The following BBX variants were observed in gnomAD, a reference collection of about 807,000 sequenced individuals.
BBX encodes HMG box transcription factor BBX.
BBX carries 30 observed loss-of-function variants against 100.2 expected under a neutral mutation model. The ratio of observed to expected loss-of-function variants is 0.30; its 90% CI spans 0.22 to 0.41. The LOEUF (loss-of-function observed/expected upper bound fraction) is 0.41, where lower values mean the gene tolerates loss of function less well. BBX is among the 10% of genes least tolerant of loss of function. BBX has a pLI of 1.00. For synonymous variants in BBX, 376 were observed against 388.1 expected (o/e 0.97, Z 0.37); for missense variants, 1,023 against 1,129.8 (o/e 0.91, Z 1.35).
intron 3 of BBX, among the ~76,000 whole-genome samples, chr3:107,680,891 G>A (rs2059537944): frequency 6.6e-6 from 1 of 152,172 alleles, no homozygotes; most frequent in Non-Finnish European, 1.5e-5. Flanking sequence ...TGACTCATCA[G>A]CTTTGCATTG....
intron 3 of BBX, among the ~76,000 whole-genome samples, chr3:107,696,038 C>G (rs942321463): frequency 2.6e-5 from 4 of 151,580 alleles, no homozygotes; most frequent in African/African-American, 9.8e-5. Flanking sequence ...TTTTTGTCTT[C>G]CATTGGCTTG....
At chr3:107,558,722 G>T (rs943411030) in intron 2 of BBX, among the ~76,000 whole-genome samples, 7 of 152,236 alleles carry the variant, frequency 4.6e-5, no homozygotes, top group African/African-American at 1.2e-4. Context: ...TGAGTTACAG[G>T]AAGTTATTTA....
intron 2 of BBX, among the ~76,000 whole-genome samples, chr3:107,577,417 A>G (rs1454461355): frequency 1.3e-5 from 2 of 152,186 alleles, no homozygotes; most frequent in Non-Finnish European, 2.9e-5. Flanking sequence ...AATGGAAGGA[A>G]AGATTGGAAA....
chr3:107,540,876 C>T (rs904871441), intron 2 of BBX, among the ~76,000 whole-genome samples: 1 of 151,962 alleles, frequency 6.6e-6, no homozygotes, highest in African/African-American at 2.4e-5. Context: ...GTATTCACTC[C>T]TCTTTTTGGA....
At chr3:107,738,420 A>G (rs2063812454) in intron 7 of BBX, among the ~76,000 whole-genome samples, 1 of 152,190 alleles carries the variant, frequency 6.6e-6, no homozygotes, top group Admixed American at 6.5e-5. Context: ...ACTAACATGT[A>G]TTGAACATTG....
In BBX at chr3:107,667,581, A is replaced by G. The variant is rs576189163; in HGVS notation, c.-10+21672A>G. On this transcript the variant is annotated intron_variant, in intron 3 of 17. Transcript: ENST00000325805. ...ACAAAATTTTCTTTCTGATGATGCTAGGAAATGCATTTATGATAGATTCTG... is the reference window on the plus strand; with the variant it reads ...ACAAAATTTTCTTTCTGATGATGCTGGGAAATGCATTTATGATAGATTCTG... 2.4e-4 allele frequency among the ~76,000 whole-genome samples: 37 copies of G among 151,980 alleles called. 2 individuals carry two copies. In the South Asian group the frequency reaches 4.8e-3, roughly 20 times the overall value.
At chr3:107,760,496 A>G (rs1222036894) in intron 10 of BBX, among the ~76,000 whole-genome samples, 1 of 152,250 alleles carries the variant, frequency 6.6e-6, no homozygotes, top group Non-Finnish European at 1.5e-5. Flanking sequence ...TATGGTATAC[A>G]ACTCCTGTCC....
At chr3:107,783,019 A>T (rs1436009295) in intron 13 of BBX, among the ~76,000 whole-genome samples, 1 of 152,092 alleles carries the variant, frequency 6.6e-6, no homozygotes, top group Non-Finnish European at 1.5e-5. Context: ...TCCTCCATGG[A>T]TACTTCTACA....
At chr3:107,697,118 T>A (rs1159822995) in intron 3 of BBX, among the ~76,000 whole-genome samples, 1 of 151,748 alleles carries the variant, frequency 6.6e-6, no homozygotes, top group African/African-American at 2.4e-5. Flanking sequence ...TTTCAAAGTT[T>A]TCAACTTCTT....
intron 3 of BBX, among the ~76,000 whole-genome samples, chr3:107,648,039 G>A (rs957876737): frequency 1.3e-5 from 2 of 152,144 alleles, no homozygotes; most frequent in Non-Finnish European, 2.9e-5. Context: ...AGAGGGGATA[G>A]GGAAAGACTG....
intron 15 of BBX, among the ~76,000 whole-genome samples, chr3:107,796,000 TTTG>T (rs558995549): frequency 2.0e-5 from 3 of 151,976 alleles, no homozygotes; most frequent in East Asian, 1.9e-4. Flanking sequence ...TGACTGGTGG[TTTG>T]TTGTTGTTGT....
At position 107,756,221 on chromosome 3, in the gene BBX, T is replaced by G. The variant is rs534313150; in HGVS notation, c.906+543T>G. Among the ~76,000 whole-genome samples, 9 of 152,216 alleles carry G rather than the reference T, an allele frequency of 5.9e-5. No homozygotes were observed. The East Asian group carries it at 1.5e-3, about 26-fold the overall frequency. ...ATAAAGCTGGTGAGGAACAGAGACC[T>G]TATTAGTGGGGGATGGATTGGGGAG... is the stretch of plus-strand genomic sequence containing the variant. On this transcript the variant is annotated intron_variant, in intron 10 of 17. Transcript: ENST00000325805.
intron 3 of BBX, among the ~76,000 whole-genome samples, chr3:107,653,264 A>C (rs2057950795): frequency 6.6e-6 from 1 of 152,246 alleles, no homozygotes; most frequent in Non-Finnish European, 1.5e-5. Flanking sequence ...TTTGTAGCTT[A>C]CATTGAATCA....
Position 107,797,337 on chromosome 3 carries a change from A to ATATATATATATATATATATATAT in BBX, c.2354-1186_2354-1185insTATATATATATATATATATATAT, listed in dbSNP as rs2069789795. The stretch of plus-strand genomic sequence containing the variant: ...TCCTCTTAGTTTAGCTTTTCTTCCA[A>ATATATATATATATATATATATAT]ATATATATATATATATATATATATA... On this transcript the variant is annotated intron_variant, in intron 15 of 17. Coordinates refer to ENST00000325805, the MANE Select transcript of BBX (RefSeq NM_001142568.3). Among the ~76,000 whole-genome samples, 9 of 39,344 alleles carry ATATATATATATATATATATATAT rather than the reference A, an allele frequency of 2.3e-4. 1 individual carries two copies. The Admixed American group carries it at 2.5e-3, about 11-fold the overall frequency. The allele number at this position is 39,344 out of a possible 152,430, so 25.8% of individuals were successfully genotyped here. A position where few individuals can be genotyped will look rare whatever the true frequency, so the allele number is the denominator to read the frequency against.
chr3:107,691,381 A>C (rs1473647284), intron 3 of BBX, among the ~76,000 whole-genome samples: 1 of 152,226 alleles, frequency 6.6e-6, no homozygotes, highest in Non-Finnish European at 1.5e-5. Context: ...TGGTTGGAGC[A>C]CATTCATTCT....
chr3:107,716,816 G>A lies in BBX; in HGVS notation c.372G>A (p.Lys124=). The change falls in exon 5 of 18, where the codon AAG becomes AAA. Residue 124 remains lysine (K), a synonymous_variant. Coordinates refer to ENST00000325805, the MANE Select transcript of BBX (RefSeq NM_001142568.3). ...ATTGGTGGGCTGTTCTTGATCCAAAGGAAAAGCAGAAATACACAGACATGG... is the reference window on the plus strand; with the variant it reads ...ATTGGTGGGCTGTTCTTGATCCAAAAGAAAAGCAGAAATACACAGACATGG... ...LADWWAVLDP[K]EKQKYTDMAK... 1 of 1,613,544 alleles carries A rather than the reference G, an allele frequency of 6.2e-7. No homozygotes were observed. The highest frequency in any genetic ancestry group is 8.5e-7 in the Non-Finnish European group (1 of 1,179,600).
At chr3:107,697,279 G>T (rs981296352) in intron 3 of BBX, among the ~76,000 whole-genome samples, 1 of 151,846 alleles carries the variant, frequency 6.6e-6, no homozygotes, top group African/African-American at 2.4e-5. Context: ...GCGCTCTGCT[G>T]TTTAGAGTTT....
intron 2 of BBX, among the ~76,000 whole-genome samples, chr3:107,531,408 A>G (rs1332145067): frequency 6.6e-6 from 1 of 152,118 alleles, no homozygotes; most frequent in Non-Finnish European, 1.5e-5. Context: ...ATATGTGCAC[A>G]ATGGGTATGG....
chr3:107,584,166 TTATTATATATATTATATATAA>T (rs1559840691), intron 2 of BBX, among the ~76,000 whole-genome samples: 7,441 of 31,592 alleles, frequency 0.24, 1,638 homozygotes, highest in Non-Finnish European at 0.29. Context: ...GATATATATA[TTATTATATATATTATATATAA>T]TATATGATAT....
Sources: allele counts gnomAD v4.1 joint callset (sites outside exome capture counted in the v4.1 genomes callset), GRCh38; gene constraint gnomAD v4.1.1; transcripts MANE v1.5; gene names NCBI Gene and HGNC (gene_info 2026-07-23, HGNC 2026-07-21).